The following MAGI2 variants were observed in gnomAD, a reference collection of about 807,000 sequenced individuals.
The protein encoded by MAGI2 is membrane-associated guanylate kinase, WW and PDZ domain-containing protein 2.
In MAGI2, 35 loss-of-function variants were observed where a neutral mutation model predicts 133.3. The ratio of observed to expected loss-of-function variants is 0.26; its 90% confidence interval spans 0.20 to 0.35. MAGI2 has a LOEUF of 0.35. Among genes scored for constraint, MAGI2 ranks in the 10% least tolerant of loss-of-function variants. The pLI is 1.00. For missense variants in MAGI2, 1,636 were observed against 1,863.4 expected (o/e 0.88, Z 2.25); for synonymous variants, 729 against 710.6 (o/e 1.03, Z -0.41).
intron 1 of MAGI2, among the ~76,000 whole-genome samples, chr7:79,164,481 A>T (rs577745163): frequency 6.6e-6 from 1 of 152,084 alleles, no homozygotes; most frequent in African/African-American, 2.4e-5. Flanking sequence ...CCCAATACTG[A>T]AGAGATTAAC....
intron 2 of MAGI2, among the ~76,000 whole-genome samples, chr7:78,839,039 T>G (rs993839864): frequency 1.3e-5 from 2 of 151,714 alleles, no homozygotes; most frequent in African/African-American, 4.8e-5. Context: ...AAGTAAGGGA[T>G]GAAAGGGAAT....
chr7:79,088,847 T>G (rs1816779436), intron 1 of MAGI2, among the ~76,000 whole-genome samples: 1 of 151,862 alleles, frequency 6.6e-6, no homozygotes, highest in Admixed American at 6.6e-5. Flanking sequence ...GCCTTGCATT[T>G]CTGGGAAAAC....
intron 1 of MAGI2, among the ~76,000 whole-genome samples, chr7:79,202,308 CT>C (rs1480687220): frequency 6.6e-6 from 1 of 151,842 alleles, no homozygotes; most frequent in Non-Finnish European, 1.5e-5. Flanking sequence ...CCAATATGGC[CT>C]TTAAGGTATG....
chr7:78,308,548 TC>T (rs1798431390), intron 9 of MAGI2, among the ~76,000 whole-genome samples: 1 of 152,008 alleles, frequency 6.6e-6, no homozygotes, highest in African/African-American at 2.4e-5. Flanking sequence ...TCTTTTTTTT[TC>T]TGGAAAGGGA....
intron 1 of MAGI2, among the ~76,000 whole-genome samples, chr7:79,384,216 A>G (rs1362932724): frequency 6.6e-6 from 1 of 151,556 alleles, no homozygotes; most frequent in African/African-American, 2.4e-5. Context: ...GGCTAAGAAA[A>G]TCATTTCTAT....
chr7:78,989,677 C>A (rs779650685), intron 2 of MAGI2, among the ~76,000 whole-genome samples: 1 of 151,986 alleles, frequency 6.6e-6, no homozygotes, highest in Non-Finnish European at 1.5e-5. Context: ...GTTTTGCCTG[C>A]ATGCCAAATT....
At chr7:78,913,428 G>A (rs998508420) in intron 2 of MAGI2, among the ~76,000 whole-genome samples, 4 of 152,096 alleles carry the variant, frequency 2.6e-5, no homozygotes, top group Non-Finnish European at 5.9e-5. Flanking sequence ...GTGATTGTAA[G>A]TTTCCTGAGG....
chr7:78,923,465 G>A (rs546482377), intron 2 of MAGI2, among the ~76,000 whole-genome samples: 2 of 152,264 alleles, frequency 1.3e-5, no homozygotes, highest in East Asian at 3.9e-4. Flanking sequence ...TTTCCCCATT[G>A]CTTGTTTTTC....
At chr7:79,307,152 G>T (rs12538685) in intron 1 of MAGI2, among the ~76,000 whole-genome samples, 84,906 of 151,932 alleles carry the variant, frequency 0.56, 26,397 homozygotes, top group Non-Finnish European at 0.69. Context: ...GAACAAAATG[G>T]ACAGTTACTG....
At chr7:78,902,014 C>T (rs553465524) in intron 2 of MAGI2, among the ~76,000 whole-genome samples, 4 of 152,170 alleles carry the variant, frequency 2.6e-5, no homozygotes, top group African/African-American at 7.2e-5. Context: ...TATATGTATA[C>T]GTATTTTGGA....
chr7:78,687,263 A>C (rs573015670), intron 2 of MAGI2, among the ~76,000 whole-genome samples: 1 of 152,148 alleles, frequency 6.6e-6, no homozygotes, highest in Non-Finnish European at 1.5e-5. Flanking sequence ...TATAAACGCT[A>C]TATACCACAT....
intron 1 of MAGI2, among the ~76,000 whole-genome samples, chr7:79,083,799 C>A (rs979491504): frequency 4.0e-5 from 6 of 151,540 alleles, no homozygotes; most frequent in African/African-American, 1.5e-4. Flanking sequence ...TCTGGGCCTG[C>A]AATTCTCTTT....
chr7:78,528,659 A>T (rs1584508174), intron 3 of MAGI2, among the ~76,000 whole-genome samples: 1 of 152,160 alleles, frequency 6.6e-6, no homozygotes, highest in Non-Finnish European at 1.5e-5. Context: ...TCTTTTGTCA[A>T]CCAATTTTTG....
chr7:79,413,869 T>C (rs569319930), intron 1 of MAGI2: 9 of 152,314 alleles, frequency 5.9e-5, no homozygotes, highest in South Asian at 4.1e-4. Context: ...GGTCTGCATC[T>C]ATACCACTCC....
At chr7:79,194,191 A>C (rs1345811384) in intron 1 of MAGI2, among the ~76,000 whole-genome samples, 1 of 151,986 alleles carries the variant, frequency 6.6e-6, no homozygotes, top group Non-Finnish European at 1.5e-5. Context: ...TTCTGGTTTT[A>C]CTGATTCATC....
chr7:78,502,553 T>A (rs1436614353), intron 4 of MAGI2, among the ~76,000 whole-genome samples: 1 of 146,812 alleles, frequency 6.8e-6, no homozygotes, highest in Non-Finnish European at 1.5e-5. Flanking sequence ...TTCACATAAC[T>A]TTCATAATAG....
chr7:78,774,703 G>T (rs539227250), intron 2 of MAGI2, among the ~76,000 whole-genome samples: 1 of 152,198 alleles, frequency 6.6e-6, no homozygotes, highest in African/African-American at 2.4e-5. Context: ...AAGACCACAG[G>T]CAGGATAGAC....
intron 6 of MAGI2, among the ~76,000 whole-genome samples, chr7:78,439,992 A>T (rs1787439166): frequency 6.6e-6 from 1 of 152,176 alleles, no homozygotes; most frequent in African/African-American, 2.4e-5. Context: ...TATTAATTTA[A>T]CGTATTTTTA....
intron 1 of MAGI2, among the ~76,000 whole-genome samples, chr7:79,151,036 A>G (rs1823177817): frequency 6.6e-6 from 1 of 151,822 alleles, no homozygotes; most frequent in African/African-American, 2.4e-5. Flanking sequence ...TTTTTCTGAG[A>G]TGACCAGGCA....
Sources: gnomAD v4.1 joint callset for allele counts (sites outside exome capture counted in the v4.1 genomes callset) on GRCh38, gnomAD v4.1.1 for gene constraint, MANE v1.5 for transcripts, NCBI Gene and HGNC (gene_info 2026-07-23, HGNC 2026-07-21) for gene names.